Variants in KCNMA1 observed in about 807,000 individuals in gnomAD.
KCNMA1 encodes the protein Calcium-activated potassium channel subunit alpha-1.
KCNMA1 carries 29 observed loss-of-function variants against 140.0 expected under a neutral mutation model. That is an observed-to-expected ratio of 0.21 (90% confidence interval 0.15 to 0.28). The LOEUF is 0.28. KCNMA1 is among the 10% of genes least tolerant of loss of function. The probability of loss-of-function intolerance (pLI) is 1.00; values close to 1 mark genes in which losing one functional copy is unlikely to be tolerated. For synonymous variants in KCNMA1, 612 were observed against 611.9 expected (o/e 1.00, Z 0.00); for missense variants, 880 against 1,602.2 (o/e 0.55, Z 7.70).
chr10:77,246,081 A>G (rs2058481404), intron 3 of KCNMA1, among the ~76,000 whole-genome samples: 1 of 152,210 alleles, frequency 6.6e-6, no homozygotes. Context: ...AAAAGAGAAA[A>G]CAAGACCAGT....
chr10:77,483,448 G>A (rs561602385), intron 1 of KCNMA1, among the ~76,000 whole-genome samples: 1 of 152,206 alleles, frequency 6.6e-6, no homozygotes, highest in Non-Finnish European at 1.5e-5. Flanking sequence ...CGGGGCAGGT[G>A]ACGAGGAGAA....
intron 3 of KCNMA1, among the ~76,000 whole-genome samples, chr10:77,190,042 C>A (rs1296356573): frequency 1.3e-5 from 2 of 151,974 alleles, no homozygotes; most frequent in Admixed American, 1.3e-4. Context: ...TGAATGTGAC[C>A]CATGTATTCC....
chr10:77,469,001 A>T (rs1250328691), intron 1 of KCNMA1, among the ~76,000 whole-genome samples: 1 of 152,140 alleles, frequency 6.6e-6, no homozygotes, highest in African/African-American at 2.4e-5. Context: ...CAAGTCACAC[A>T]CTTCACAATC....
At chr10:76,971,557 T>C (rs1265642233) in intron 19 of KCNMA1, among the ~76,000 whole-genome samples, 1 of 152,126 alleles carries the variant, frequency 6.6e-6, no homozygotes, top group Non-Finnish European at 1.5e-5. Flanking sequence ...GGAATGACTG[T>C]GGTGTAAGGT....
chr10:77,234,899 C>T (rs192606713), intron 3 of KCNMA1, among the ~76,000 whole-genome samples: 1 of 152,134 alleles, frequency 6.6e-6, no homozygotes, highest in East Asian at 1.9e-4. Flanking sequence ...TCTTCCTGTT[C>T]AACTGAGAAA....
chr10:77,265,878 C>G (rs2574811), intron 2 of KCNMA1, among the ~76,000 whole-genome samples: 1 of 152,026 alleles, frequency 6.6e-6, no homozygotes, highest in Non-Finnish European at 1.5e-5. Flanking sequence ...CTCAGGAGTT[C>G]AAGACCAGCC....
intron 1 of KCNMA1, among the ~76,000 whole-genome samples, chr10:77,474,415 T>C (rs2098233513): frequency 6.6e-6 from 1 of 152,144 alleles, no homozygotes; most frequent in Admixed American, 6.6e-5. Context: ...AAAGACCATG[T>C]GAAGATACAG....
intron 2 of KCNMA1, among the ~76,000 whole-genome samples, chr10:77,265,595 C>T (rs529632814): frequency 8.5e-5 from 13 of 152,110 alleles, no homozygotes; most frequent in Admixed American, 3.9e-4. Context: ...GGGAGAAAAC[C>T]GGCTGGAGCT....
intron 5 of KCNMA1, among the ~76,000 whole-genome samples, chr10:77,156,335 A>T (rs2098484061): frequency 6.6e-6 from 1 of 152,046 alleles, no homozygotes; most frequent in African/African-American, 2.4e-5. Context: ...CTTAGGAGGT[A>T]AAAGTTACAA....
chr10:77,378,496 A>G (rs2095262096), intron 2 of KCNMA1, among the ~76,000 whole-genome samples: 1 of 152,180 alleles, frequency 6.6e-6, no homozygotes, highest in Admixed American at 6.5e-5. Context: ...GGACAGTGGG[A>G]TGTCTCTCTC....
At chr10:77,343,640 G>A (rs1272032898) in intron 2 of KCNMA1, among the ~76,000 whole-genome samples, 3 of 152,184 alleles carry the variant, frequency 2.0e-5, no homozygotes, top group Non-Finnish European at 4.4e-5. Flanking sequence ...CTAGCGAGGA[G>A]ACACAAATCC....
At chr10:77,344,912 A>T (rs1484847198) in intron 2 of KCNMA1, among the ~76,000 whole-genome samples, 1 of 152,228 alleles carries the variant, frequency 6.6e-6, no homozygotes, top group East Asian at 1.9e-4. Flanking sequence ...GACACAGCTA[A>T]ATAAATGAAC....
At chr10:76,913,722 G>C (rs1335970296) in intron 24 of KCNMA1, 1 of 256,268 alleles carries the variant, frequency 3.9e-6, no homozygotes, top group Admixed American at 5.0e-5. Context: ...GGAGTAGAAG[G>C]GAGAAGGCGG....
intron 18 of KCNMA1, among the ~76,000 whole-genome samples, chr10:77,002,489 G>A (rs1473831312): frequency 6.6e-6 from 1 of 152,172 alleles, no homozygotes; most frequent in Non-Finnish European, 1.5e-5. Flanking sequence ...TCCTTATACA[G>A]AAAATATTCG....
rs2229009 is a variant in KCNMA1 at position 76,949,286 on chromosome 10, G to A, written c.2565C>T (p.Ile855=). ...GCGGCATCACCAGGTTCCGGAGGCC[G>A]ATCAGGGCTGAGCTGACGTCGCCAA... The part of the protein sequence containing the change: ...CIFGDVSSAL[I]GLRNLVMPLR... Residue 855 remains isoleucine, a synonymous_variant, in exon 22 of 28, where the codon ATC becomes ATT. Coordinates refer to ENST00000286628, the MANE Select transcript of KCNMA1 (RefSeq NM_001161352.2). 5,011 of 1,614,094 alleles carry A rather than the reference G, an allele frequency of 3.1e-3. 141 individuals are homozygous for A. In the South Asian group the frequency reaches 0.043, roughly 14 times the overall value.
chr10:76,935,588 G>A (rs940152833), intron 23 of KCNMA1, among the ~76,000 whole-genome samples: 1 of 152,136 alleles, frequency 6.6e-6, no homozygotes, highest in African/African-American at 2.4e-5. Context: ...ATATTACATA[G>A]GAATGTGTCT....
At chr10:76,935,409 G>A (rs766469465) in intron 23 of KCNMA1, among the ~76,000 whole-genome samples, 20 of 152,140 alleles carry the variant, frequency 1.3e-4, no homozygotes, top group Non-Finnish European at 2.2e-4. Context: ...CTGATGTGCC[G>A]AGAAAAGCAT....
At chr10:76,909,824 G>A (rs1337308007) in intron 25 of KCNMA1, 142 bp downstream of exon 25, 2 of 813,368 alleles carry the variant, frequency 2.5e-6, no homozygotes, top group South Asian at 1.5e-5. Context: ...TTATAATGTG[G>A]GTCTCCCCTT....
At chr10:77,390,489 A>G (rs1301900481) in intron 2 of KCNMA1, among the ~76,000 whole-genome samples, 7 of 152,332 alleles carry the variant, frequency 4.6e-5, no homozygotes, top group Admixed American at 2.0e-4. Context: ...AGAGGAAACA[A>G]TAACCTCCTG....
Sources: gnomAD v4.1 joint callset for allele counts (sites outside exome capture counted in the v4.1 genomes callset) on GRCh38, gnomAD v4.1.1 for gene constraint, MANE v1.5 for transcripts, NCBI Gene and HGNC (gene_info 2026-07-23, HGNC 2026-07-21) for gene names.